BCL2: variants seen among roughly 807,000 people sequenced by gnomAD.
BCL2 encodes BCL2 apoptosis regulator, also known as apoptosis regulator Bcl-2.
BCL2 carries 1 observed loss-of-function variant against 14.2 expected under a neutral mutation model. The observed-to-expected ratio is 0.07, with a 90% confidence interval of 0.02 to 0.33. BCL2 has a LOEUF of 0.33. Among genes scored for constraint, BCL2 ranks in the 10% least tolerant of loss-of-function variants. BCL2 has a pLI of 0.99. For missense variants in BCL2, 247 were observed against 305.9 expected (o/e 0.81, Z 1.44); for synonymous variants, 151 against 137.2 (o/e 1.10, Z -0.70).
At chr18:63,275,548 G>A (rs1404689859) in intron 2 of BCL2, among the ~76,000 whole-genome samples, 1 of 152,188 alleles carries the variant, frequency 6.6e-6, no homozygotes, top group Non-Finnish European at 1.5e-5. Context: ...TTTTGAGAGT[G>A]CCCCGAGTGT....
chr18:63,182,711 CAGTTTTATT>C (rs1416333274), intron 2 of BCL2, among the ~76,000 whole-genome samples: 1 of 152,218 alleles, frequency 6.6e-6, no homozygotes, highest in Non-Finnish European at 1.5e-5. Flanking sequence ...ATCAACTCTG[CAGTTTTATT>C]ACACACACAA....
intron 2 of BCL2, among the ~76,000 whole-genome samples, chr18:63,302,146 G>A (rs1912978437): frequency 6.6e-6 from 1 of 151,836 alleles, no homozygotes; most frequent in Non-Finnish European, 1.5e-5. Flanking sequence ...TGGCCAACAT[G>A]ATGAAAACCA....
At chr18:63,243,756 G>T (rs1911078251) in intron 2 of BCL2, among the ~76,000 whole-genome samples, 1 of 152,080 alleles carries the variant, frequency 6.6e-6, no homozygotes, top group African/African-American at 2.4e-5. Flanking sequence ...TGGCTCAAGA[G>T]AAAAAATATG....
Position 63,309,312 on chromosome 18 carries a change from A to G in BCL2, c.585+8770T>C, listed in dbSNP as rs1248121825. 2.0e-5 allele frequency among the ~76,000 whole-genome samples: 3 copies of G among 152,348 alleles called. No homozygotes were observed. The East Asian group carries it at 5.8e-4, about 29-fold the overall frequency. On this transcript the variant is annotated intron_variant, in intron 2 of 2. Transcript: ENST00000333681. ...TGGTTCAACCTCAATTTTTCTCTTGAGATCCAGATCCTTATGTCTAAGGCT... is the reference window on the plus strand; with the variant it reads ...TGGTTCAACCTCAATTTTTCTCTTGGGATCCAGATCCTTATGTCTAAGGCT...
chr18:63,289,820 G>C (rs1308792045), intron 2 of BCL2, among the ~76,000 whole-genome samples: 3 of 152,146 alleles, frequency 2.0e-5, no homozygotes, highest in Non-Finnish European at 4.4e-5. Context: ...CTTGAGCCTG[G>C]GAGGCGGAGG....
intron 2 of BCL2, among the ~76,000 whole-genome samples, chr18:63,254,958 C>T (rs1309310681): frequency 1.2e-4 from 19 of 152,208 alleles, no homozygotes; most frequent in Admixed American, 1.2e-3. Context: ...TGCAAAGCTG[C>T]AAAACATGGG....
At chr18:63,155,659 T>C (rs1284503595) in intron 2 of BCL2, among the ~76,000 whole-genome samples, 1 of 151,806 alleles carries the variant, frequency 6.6e-6, no homozygotes, top group Non-Finnish European at 1.5e-5. Context: ...AGCGAGCAGG[T>C]GAGAAGAGGC....
intron 2 of BCL2, among the ~76,000 whole-genome samples, chr18:63,183,063 A>G (rs1317618935): frequency 6.6e-6 from 1 of 152,194 alleles, no homozygotes; most frequent in Non-Finnish European, 1.5e-5. Flanking sequence ...GAGCAGATGC[A>G]TGTCACACTG....
At chr18:63,242,680 C>A (rs1307024706) in intron 2 of BCL2, among the ~76,000 whole-genome samples, 1 of 152,184 alleles carries the variant, frequency 6.6e-6, no homozygotes, top group African/African-American at 2.4e-5. Context: ...GGAGGGCATT[C>A]TCACCGTTCT....
chr18:63,151,780 A>G (rs1224687195), intron 2 of BCL2, among the ~76,000 whole-genome samples: 1 of 152,182 alleles, frequency 6.6e-6, no homozygotes, highest in Non-Finnish European at 1.5e-5. Context: ...GCACTATTAT[A>G]AATATAAATG....
intron 2 of BCL2, among the ~76,000 whole-genome samples, chr18:63,198,591 CAG>C (rs1173135634): frequency 1.3e-5 from 2 of 150,946 alleles, no homozygotes; most frequent in East Asian, 2.0e-4. Flanking sequence ...CACATAGACA[CAG>C]AGACACACAC....
intron 2 of BCL2, among the ~76,000 whole-genome samples, chr18:63,158,416 C>G (rs1914838113): frequency 6.6e-6 from 1 of 152,258 alleles, no homozygotes; most frequent in African/African-American, 2.4e-5. Flanking sequence ...GGCCTTGGGA[C>G]TGGCTGTCAC....
chr18:63,248,910 G>C (rs1381123665), intron 2 of BCL2, among the ~76,000 whole-genome samples: 1 of 152,190 alleles, frequency 6.6e-6, no homozygotes, highest in Non-Finnish European at 1.5e-5. Flanking sequence ...TAAAACCATA[G>C]AGCAGCACTT....
intron 2 of BCL2, among the ~76,000 whole-genome samples, chr18:63,264,856 T>C (rs1474301017): frequency 3.9e-3 from 1 of 256 alleles, no homozygotes; most frequent in Non-Finnish European, 7.8e-3. Context: ...GTCAAAGATA[T>C]TTACAGGGCA....
At chr18:63,270,788 T>C (rs1444803140) in intron 2 of BCL2, among the ~76,000 whole-genome samples, 1 of 152,160 alleles carries the variant, frequency 6.6e-6, no homozygotes, top group Non-Finnish European at 1.5e-5. Flanking sequence ...AGTAAATACA[T>C]ACTCATATGT....
chr18:63,239,248 T>A (rs1480174296), intron 2 of BCL2, among the ~76,000 whole-genome samples: 1 of 152,212 alleles, frequency 6.6e-6, no homozygotes, highest in Non-Finnish European at 1.5e-5. Context: ...GGCTGGAATT[T>A]AGCCAATAAC....
chr18:63,319,915 T>A (rs1400960607), upstream of BCL2: 1 of 169,044 alleles, frequency 5.9e-6, no homozygotes, highest in Non-Finnish European at 1.3e-5. Context: ...CCCTTTCTCC[T>A]CCTCCTGGTC....
intron 2 of BCL2, among the ~76,000 whole-genome samples, chr18:63,211,749 T>A (rs1275022170): frequency 6.6e-5 from 10 of 152,242 alleles, no homozygotes; most frequent in Admixed American, 2.0e-4. Context: ...ATTGTCCTAC[T>A]GTGGCTGCAA....
At chr18:63,136,930 A>G (rs1010200303) in intron 2 of BCL2, among the ~76,000 whole-genome samples, 1 of 152,252 alleles carries the variant, frequency 6.6e-6, no homozygotes, top group East Asian at 1.9e-4. Context: ...AGAACAGGGC[A>G]GTAGATGCAC....
Sources: allele counts gnomAD v4.1 joint callset (sites outside exome capture counted in the v4.1 genomes callset), GRCh38; gene constraint gnomAD v4.1.1; transcripts MANE v1.5; gene names NCBI Gene and HGNC (gene_info 2026-07-23, HGNC 2026-07-21).